NUBPL: variants seen among roughly 807,000 people sequenced by gnomAD.
NUBPL encodes NUBP iron-sulfur cluster assembly factor, mitochondrial.
In NUBPL, 31 loss-of-function variants were observed where a neutral mutation model predicts 45.7. The ratio of observed to expected loss-of-function variants is 0.68; its 90% CI spans 0.51 to 0.92. The LOEUF (loss-of-function observed/expected upper bound fraction) is 0.92, where lower values mean the gene tolerates loss of function less well. Among genes scored for constraint, NUBPL ranks in the 40% least tolerant of loss-of-function variants. NUBPL has a pLI of 0.00. For missense variants in NUBPL, 401 were observed against 398.7 expected, an observed-to-expected ratio of 1.01 and a Z score of -0.05; for synonymous variants, 144 against 140.9, an observed-to-expected ratio of 1.02 and a Z score of -0.15.
At chr14:31,732,339 C>A (rs1351498839) in intron 6 of NUBPL, among the ~76,000 whole-genome samples, 1 of 152,036 alleles carries the variant, frequency 6.6e-6, no homozygotes, top group East Asian at 1.9e-4. Context: ...AATCATTTAG[C>A]TAGCCTATAT....
At chr14:31,827,581 T>A (rs1343728020) in intron 8 of NUBPL, among the ~76,000 whole-genome samples, 1 of 152,158 alleles carries the variant, frequency 6.6e-6, no homozygotes, top group Non-Finnish European at 1.5e-5. Context: ...ACATGATGCT[T>A]CTCTGTGGCT....
At chr14:31,654,507 C>T (rs1264581012) in intron 4 of NUBPL, among the ~76,000 whole-genome samples, 4 of 151,312 alleles carry the variant, frequency 2.6e-5, no homozygotes, top group Admixed American at 1.3e-4. Context: ...CTCCTGGGTT[C>T]ATGCCATTCT....
intron 8 of NUBPL, chr14:31,844,629 T>C (rs1278339155): frequency 7.0e-6 from 1 of 142,072 alleles, no homozygotes; most frequent in African/African-American, 2.4e-5. Context: ...TCTATTTCTC[T>C]TTTCAGAAAG....
chr14:31,599,098 C>A, intron 3 of NUBPL, 191 bp from the exon 4 acceptor site: 2 of 619,474 alleles, frequency 3.2e-6, no homozygotes, highest in Admixed American at 2.6e-5. Context: ...AAAGTATTGA[C>A]CCTAAGCAAT....
chr14:31,676,453 ATG>A (rs2036700854), intron 6 of NUBPL, among the ~76,000 whole-genome samples: 3 of 151,752 alleles, frequency 2.0e-5, no homozygotes, highest in Admixed American at 2.0e-4. Flanking sequence ...ATATAATAAA[ATG>A]TTTTTTTTTT....
In NUBPL at chr14:31,720,729, A is replaced by G. The variant is rs1022421847; in HGVS notation, c.513+47155A>G. Among the ~76,000 whole-genome samples, 5 of 152,356 alleles carry G rather than the reference A, an allele frequency of 3.3e-5. No homozygotes were observed. The East Asian group carries it at 9.6e-4, about 29-fold the overall frequency. On this transcript the variant is annotated intron_variant, in intron 6 of 10. Transcript: ENST00000281081. ...TTAAATTAAAGTAAAATAAAGTAAA[A>G]AAAATTCAGTTCATCAGTCGTAAGT...
intron 2 of NUBPL, among the ~76,000 whole-genome samples, chr14:31,562,496 A>G (rs2033315416): frequency 1.3e-5 from 2 of 152,160 alleles, no homozygotes; most frequent in Non-Finnish European, 2.9e-5. Context: ...AACTTCTTTC[A>G]TAAGATGGTT....
In NUBPL at chr14:31,599,365, C is replaced by G. The variant is rs745333245; in HGVS notation, c.368C>G (p.Pro123Arg). ...AAGATGATGAATCTGAAAGGAAATC[C>G]GGAATTATCACAGAGTAAGTAAAGA... is the stretch of plus-strand genomic sequence containing the variant. Reference protein sequence around the residue: ...VPKMMNLKGNPELSQSNLMRP... With the variant: ...VPKMMNLKGNRELSQSNLMRP... Residue 123 changes from proline to arginine, a missense_variant, in exon 4 of 11, where the codon CCG becomes CGG. Pro to Arg is a moderately radical substitution (Grantham distance 103). Transcript: ENST00000281081. 1.2e-5 allele frequency: 20 copies of G among 1,609,224 alleles called. No homozygotes were observed. The highest frequency in any genetic ancestry group is 1.7e-5 in the Non-Finnish European group (20 of 1,176,226).
At chr14:31,762,349 A>G (rs530746593) in intron 6 of NUBPL, among the ~76,000 whole-genome samples, 3 of 152,296 alleles carry the variant, frequency 2.0e-5, no homozygotes, top group Admixed American at 6.5e-5. Context: ...AAAGCTTAGG[A>G]TGAGTAGTTT....
At chr14:31,704,133 G>T (rs1186834490) in intron 6 of NUBPL, among the ~76,000 whole-genome samples, 1 of 152,116 alleles carries the variant, frequency 6.6e-6, no homozygotes, top group Non-Finnish European at 1.5e-5. Context: ...GGGTGGTGTT[G>T]GTTCTGTGAG....
intron 6 of NUBPL, among the ~76,000 whole-genome samples, chr14:31,752,526 C>G: frequency 6.6e-6 from 1 of 152,220 alleles, no homozygotes; most frequent in East Asian, 1.9e-4. Flanking sequence ...AGTTCCTCAT[C>G]TCCATCTGAG....
intron 4 of NUBPL, among the ~76,000 whole-genome samples, chr14:31,662,475 C>G (rs1040714313): frequency 2.6e-5 from 4 of 151,982 alleles, no homozygotes; most frequent in Non-Finnish European, 5.9e-5. Flanking sequence ...CCCTCTGCCC[C>G]CCACCCACCG....
At chr14:31,591,473 T>A (rs2139527105) in intron 3 of NUBPL, among the ~76,000 whole-genome samples, 1 of 152,296 alleles carries the variant, frequency 6.6e-6, no homozygotes, top group East Asian at 1.9e-4. Flanking sequence ...TATTTTTTAA[T>A]AAAGCCACCA....
At chr14:31,755,192 A>C (rs1029806386) in intron 6 of NUBPL, among the ~76,000 whole-genome samples, 3 of 152,120 alleles carry the variant, frequency 2.0e-5, no homozygotes, top group Non-Finnish European at 4.4e-5. Flanking sequence ...AGCAGGATTT[A>C]TAGTCCTTTG....
chr14:31,834,145 A>G (rs895175522), intron 8 of NUBPL, among the ~76,000 whole-genome samples: 1 of 152,042 alleles, frequency 6.6e-6, no homozygotes, highest in African/African-American at 2.4e-5. Flanking sequence ...TGCTAAAAAC[A>G]AAAAACAGAG....
Position 31,708,889 on chromosome 14 carries a change from C to T in NUBPL, c.513+35315C>T, listed in dbSNP as rs112450563. 3.0e-3 allele frequency among the ~76,000 whole-genome samples: 453 copies of T among 152,204 alleles called. 2 individuals carry two copies. The highest frequency in any genetic ancestry group is 8.4e-3 in the African/African-American group (349 of 41,524). ...GGCATAGCAGACATGGACGAGGGGG[C>T]GGCTTGTTTCTCATTGGACAATCTT... On this transcript the variant is annotated intron_variant, in intron 6 of 10. Coordinates refer to ENST00000281081, the MANE Select transcript of NUBPL (RefSeq NM_025152.3).
intron 7 of NUBPL, among the ~76,000 whole-genome samples, chr14:31,809,711 G>T (rs1345757532): frequency 6.6e-6 from 1 of 151,924 alleles, no homozygotes; most frequent in African/African-American, 2.4e-5. Flanking sequence ...GTGATGTTAG[G>T]GTGTCAATTT....
chr14:31,687,715 T>C (rs563781077), intron 6 of NUBPL, among the ~76,000 whole-genome samples: 2 of 152,352 alleles, frequency 1.3e-5, no homozygotes, highest in African/African-American at 4.8e-5. Flanking sequence ...GTATTTTTCA[T>C]TGTGTTTAAC....
chr14:31,841,547 G>A (rs1168682227), intron 8 of NUBPL, among the ~76,000 whole-genome samples: 1 of 133,824 alleles, frequency 7.5e-6, no homozygotes, highest in African/African-American at 2.6e-5. Context: ...TCATGTATGT[G>A]TATTGTATAT....
Sources: allele counts gnomAD v4.1 joint callset (sites outside exome capture counted in the v4.1 genomes callset), GRCh38; gene constraint gnomAD v4.1.1; transcripts MANE v1.5; gene names NCBI Gene and HGNC (gene_info 2026-07-23, HGNC 2026-07-21).